Variants in KCNK10 observed in about 807,000 individuals in gnomAD.
KCNK10 encodes the protein potassium channel subfamily K member 10.
In KCNK10, 25 loss-of-function variants were observed where a neutral mutation model predicts 47.7. The ratio of observed to expected loss-of-function variants is 0.52; its 90% CI spans 0.38 to 0.73. KCNK10 has a LOEUF of 0.73. Among genes scored for constraint, KCNK10 ranks in the 30% least tolerant of loss-of-function variants. The pLI is 0.00. For synonymous variants in KCNK10, 303 were observed against 285.6 expected (o/e 1.06, Z -0.61); for missense variants, 563 against 714.5 (o/e 0.79, Z 2.42).
Position 88,201,396 on chromosome 14 carries a change from G to A in KCNK10, c.682-8986C>T, listed in dbSNP as rs542459997. On this transcript the variant is annotated intron_variant, in intron 4 of 6. Coordinates refer to ENST00000319231, the MANE Select transcript of KCNK10 (RefSeq NM_138317.3). ...CACTGGGCCAGGCACAGTGGCTCAC[G>A]CCTGTAATCCCAGCACTTTGGGAGG... 2.0e-4 allele frequency among the ~76,000 whole-genome samples: 30 copies of A among 152,282 alleles called. No homozygotes were observed. In the South Asian group the frequency reaches 5.0e-3, roughly 25 times the overall value.
At chr14:88,289,086 T>C (rs539833861) in intron 1 of KCNK10, among the ~76,000 whole-genome samples, 205 of 152,342 alleles carry the variant, frequency 1.3e-3, no homozygotes, top group African/African-American at 4.7e-3. Flanking sequence ...GGTCTCATTA[T>C]AACACCACTC....
chr14:88,310,135 A>C (rs1888281840), intron 1 of KCNK10, among the ~76,000 whole-genome samples: 1 of 30,542 alleles, frequency 3.3e-5, no homozygotes, highest in African/African-American at 1.7e-4. Flanking sequence ...TCTGGAGCTG[A>C]TGTTTTAATC....
At chr14:88,248,165 A>G (rs780193644) in intron 2 of KCNK10, among the ~76,000 whole-genome samples, 2 of 152,174 alleles carry the variant, frequency 1.3e-5, no homozygotes, top group African/African-American at 2.4e-5. Flanking sequence ...GATCATTCCC[A>G]TTAAAAATGG....
chr14:88,326,462 A>C, upstream of KCNK10: 1 of 1,612,608 alleles, frequency 6.2e-7, no homozygotes, highest in South Asian at 1.1e-5. Context: ...ACATCCAAGA[A>C]AGATGCCGCT....
At chr14:88,271,047 A>G in intron 1 of KCNK10, 1 of 495,962 alleles carries the variant, frequency 2.0e-6, no homozygotes, top group Non-Finnish European at 3.6e-6. Flanking sequence ...CCAGAGAAAC[A>G]GGTCTCGCTT....
At chr14:88,229,489 A>ATTC (rs1332873458) in intron 3 of KCNK10, among the ~76,000 whole-genome samples, 1 of 152,118 alleles carries the variant, frequency 6.6e-6, no homozygotes, top group Admixed American at 6.5e-5. Context: ...TATTATTATT[A>ATTC]TTATTATCAC....
At chr14:88,208,577 T>C (rs772211455) in intron 4 of KCNK10, among the ~76,000 whole-genome samples, 1 of 152,208 alleles carries the variant, frequency 6.6e-6, no homozygotes, top group African/African-American at 2.4e-5. Context: ...GAATACCATA[T>C]GGCATTTACA....
chr14:88,256,454 A>G (rs1056456386), intron 2 of KCNK10, among the ~76,000 whole-genome samples: 1 of 152,028 alleles, frequency 6.6e-6, no homozygotes, highest in Admixed American at 6.6e-5. Flanking sequence ...CCTAGTGTCT[A>G]CTTAATAAAT....
chr14:88,296,472 C>T (rs1887985890), intron 1 of KCNK10, among the ~76,000 whole-genome samples: 1 of 150,514 alleles, frequency 6.6e-6, no homozygotes, highest in African/African-American at 2.4e-5. Flanking sequence ...TGGTTGTTCA[C>T]TTTACCATCA....
intron 3 of KCNK10, among the ~76,000 whole-genome samples, chr14:88,228,054 C>T (rs1286215966): frequency 6.6e-6 from 1 of 152,122 alleles, no homozygotes; most frequent in Non-Finnish European, 1.5e-5. Context: ...CAGCCTTACC[C>T]TGGGAAGTCT....
chr14:88,273,643 T>G (rs1029885331), intron 1 of KCNK10, among the ~76,000 whole-genome samples: 1 of 152,180 alleles, frequency 6.6e-6, no homozygotes, highest in African/African-American at 2.4e-5. Context: ...GATTTAGAGC[T>G]GCCTACCTCG....
chr14:88,296,382 G>A (rs117775895), intron 1 of KCNK10, among the ~76,000 whole-genome samples: 349 of 152,312 alleles, frequency 2.3e-3, no homozygotes, highest in Non-Finnish European at 3.5e-3. Context: ...TTATCTTGTA[G>A]AATTGTTATC....
At chr14:88,195,767 A>T (rs1282471694) in intron 4 of KCNK10, among the ~76,000 whole-genome samples, 1 of 152,178 alleles carries the variant, frequency 6.6e-6, no homozygotes, top group Non-Finnish European at 1.5e-5. Context: ...ACTGCCAAGA[A>T]TTGCAGATAA....
intron 1 of KCNK10, among the ~76,000 whole-genome samples, chr14:88,302,071 C>G (rs1413195111): frequency 2.0e-5 from 3 of 152,192 alleles, no homozygotes; most frequent in African/African-American, 7.2e-5. Context: ...TTCTAGATAT[C>G]GTATCAGGCA....
chr14:88,217,817 G>A (rs1287693286), intron 4 of KCNK10, among the ~76,000 whole-genome samples: 1 of 151,774 alleles, frequency 6.6e-6, no homozygotes, highest in African/African-American at 2.4e-5. Context: ...CTGCCTCCCC[G>A]GTTCAAGTGA....
chr14:88,230,168 G>A (rs559372012), intron 3 of KCNK10, among the ~76,000 whole-genome samples: 1 of 152,282 alleles, frequency 6.6e-6, no homozygotes, highest in African/African-American at 2.4e-5. Context: ...TAAGCACCCC[G>A]TTTGCCTTGT....
intron 3 of KCNK10, among the ~76,000 whole-genome samples, chr14:88,240,384 A>G (rs1886418387): frequency 6.6e-6 from 1 of 152,220 alleles, no homozygotes. Flanking sequence ...CTTACTATAT[A>G]ACTTTAATAA....
At position 88,230,128 on chromosome 14, in the gene KCNK10, G is replaced by C. The variant is rs1415817727; in HGVS notation, c.521-2593C>G. Reference sequence around the variant, plus strand: ...ATGCAAAGCAAGAGTTACATGTGAAGATTAAATACCTGTGAAATATGATGC... The same window carrying C: ...ATGCAAAGCAAGAGTTACATGTGAACATTAAATACCTGTGAAATATGATGC... On this transcript the variant is annotated intron_variant, in intron 3 of 6. Transcript: ENST00000319231. Among the ~76,000 whole-genome samples the C allele has an allele frequency of 3.9e-5, 6 of 152,278 alleles. No homozygotes were observed. In the East Asian group the frequency reaches 1.2e-3, roughly 29 times the overall value.
In KCNK10 at chr14:88,304,886, T is replaced by C. The variant is rs143317117; in HGVS notation, c.52+17861A>G. Among the ~76,000 whole-genome samples the C allele has an allele frequency of 1.8e-3, 272 of 152,184 alleles. 4 individuals are homozygous for C. Among genetic ancestry groups the C allele is most frequent in the Middle Eastern group, 0.01 (3 of 294 alleles). ...AAACAGAAACACACATACAACAAGG[T>C]TATGTATTTAGTTGATGAAAATGTG... On this transcript the variant is annotated intron_variant, in intron 1 of 6. Coordinates refer to ENST00000319231, the MANE Select transcript of KCNK10 (RefSeq NM_138317.3).
Sources: allele counts gnomAD v4.1 joint callset (sites outside exome capture counted in the v4.1 genomes callset), GRCh38; gene constraint gnomAD v4.1.1; transcripts MANE v1.5; gene names NCBI Gene and HGNC (gene_info 2026-07-23, HGNC 2026-07-21).